Variants in CHSY1 observed in about 807,000 individuals in gnomAD.
CHSY1 encodes chondroitin sulfate synthase 1.
A neutral mutation model predicts 59.8 loss-of-function variants in CHSY1; 13 were observed. That is an observed-to-expected ratio of 0.22 (90% CI 0.14 to 0.35). The LOEUF is 0.35. Among genes scored for constraint, CHSY1 ranks in the 10% least tolerant of loss-of-function variants. The pLI is 1.00. For synonymous variants in CHSY1, 459 were observed against 401.2 expected (o/e 1.14, Z -1.72); for missense variants, 947 against 1,030.6 (o/e 0.92, Z 1.11).
At chr15:101,197,443 G>A (rs771847765) in intron 2 of CHSY1, among the ~76,000 whole-genome samples, 14 of 152,112 alleles carry the variant, frequency 9.2e-5, no homozygotes, top group Non-Finnish European at 1.8e-4. Context: ...TTTAAAGGAA[G>A]GAACCCTAAG....
chr15:101,249,780 G>C (rs1255242671), intron 1 of CHSY1, among the ~76,000 whole-genome samples: 1 of 152,298 alleles, frequency 6.6e-6, no homozygotes, highest in East Asian at 1.9e-4. Flanking sequence ...CTCCCAAAGT[G>C]CTAGAATTAC....
At chr15:101,220,322 C>T (rs2038776284) in intron 2 of CHSY1, among the ~76,000 whole-genome samples, 1 of 152,152 alleles carries the variant, frequency 6.6e-6, no homozygotes, top group Non-Finnish European at 1.5e-5. Context: ...TCCCTAACTG[C>T]CCGTGTACTT....
chr15:101,224,764 C>T (rs329293), intron 2 of CHSY1, among the ~76,000 whole-genome samples: 9,533 of 152,294 alleles, frequency 0.063, 432 homozygotes, highest in Non-Finnish European at 0.09. Context: ...ACTTTCCTAT[C>T]CCAGACAACA....
chr15:101,224,709 G>A (rs149406844), intron 2 of CHSY1, among the ~76,000 whole-genome samples: 26 of 152,166 alleles, frequency 1.7e-4, no homozygotes, highest in Admixed American at 2.6e-4. Flanking sequence ...AATACTTCAC[G>A]TCCACACACA....
chr15:101,194,067 A>G (rs2038478936), intron 2 of CHSY1, among the ~76,000 whole-genome samples: 1 of 152,262 alleles, frequency 6.6e-6, no homozygotes, highest in African/African-American at 2.4e-5. Flanking sequence ...AAAGGCCACC[A>G]GCATCTTTTA....
chr15:101,185,531 C>T (rs907164851), intron 2 of CHSY1, among the ~76,000 whole-genome samples: 1 of 151,462 alleles, frequency 6.6e-6, no homozygotes, highest in South Asian at 2.1e-4. Context: ...TCCCTGTGAA[C>T]GCCCTCCATG....
At position 101,183,627 on chromosome 15, in the gene CHSY1, C is replaced by A. The variant is rs189080654; in HGVS notation, c.817-4647G>T. Among the ~76,000 whole-genome samples, 8 of 152,278 alleles carry A rather than the reference C, an allele frequency of 5.3e-5. No homozygotes were observed. In the East Asian group the frequency reaches 1.5e-3, roughly 29 times the overall value. The stretch of plus-strand genomic sequence containing the variant: ...GGAAAGAAAGCTGTAAAGAAGATGA[C>A]AGGATCCAGGAAACAAGACGCATGG... On this transcript the variant is annotated intron_variant, in intron 2 of 2. Coordinates refer to ENST00000254190, the MANE Select transcript of CHSY1 (RefSeq NM_014918.5).
intron 1 of CHSY1, among the ~76,000 whole-genome samples, chr15:101,237,666 C>T (rs1294873886): frequency 2.6e-5 from 4 of 152,338 alleles, no homozygotes; most frequent in Non-Finnish European, 5.9e-5. Context: ...GAGGAAACCA[C>T]GTAAAGGCTG....
At position 101,245,558 on chromosome 15, in the gene CHSY1, T is replaced by C. The variant is rs983776451; in HGVS notation, c.320+5579A>G. Among the ~76,000 whole-genome samples the C allele has an allele frequency of 2.0e-5, 3 of 152,306 alleles. No individual in the cohort carries two copies. In the East Asian group the frequency reaches 5.8e-4, roughly 29 times the overall value. ...CTAGGGCCCTGTATTTGGAATCTAC[T>C]GTTAATAAAGAGCAGCTTAGTTAAC... On this transcript the variant is annotated intron_variant, in intron 1 of 2. Coordinates refer to ENST00000254190, the MANE Select transcript of CHSY1 (RefSeq NM_014918.5).
rs562273818 is a variant in CHSY1, at chr15:101,220,601, C to G, written c.816+14481G>C. 5.3e-5 allele frequency among the ~76,000 whole-genome samples: 8 copies of G among 152,342 alleles called. No individual in the cohort carries two copies. In the South Asian group the frequency reaches 1.5e-3, roughly 28 times the overall value. On this transcript the variant is annotated intron_variant, in intron 2 of 2. Coordinates refer to ENST00000254190, the MANE Select transcript of CHSY1 (RefSeq NM_014918.5). ...GCCAACCAACCTCCCTGCTGCAACT[C>G]TGCAGCTGCCTCTCCATGAGCAGAG...
chr15:101,237,901 T>C (rs2038963656), intron 1 of CHSY1, among the ~76,000 whole-genome samples: 1 of 152,248 alleles, frequency 6.6e-6, no homozygotes, highest in African/African-American at 2.4e-5. Context: ...ATTTTACCTG[T>C]TACAAGTGTA....
intron 1 of CHSY1, among the ~76,000 whole-genome samples, chr15:101,240,235 A>G (rs1433139759): frequency 6.6e-6 from 1 of 152,174 alleles, no homozygotes; most frequent in East Asian, 1.9e-4. Flanking sequence ...GAGCTCCACA[A>G]AGTGAACGAG....
chr15:101,234,931 T>A (rs1596452293), intron 2 of CHSY1, 151 bp downstream of exon 2: 6 of 435,826 alleles, frequency 1.4e-5, no homozygotes, highest in Non-Finnish European at 2.0e-5. Flanking sequence ...GGGAACTGAA[T>A]TTTTTTTTTA....
At chr15:101,246,236 A>G (rs1279175055) in intron 1 of CHSY1, among the ~76,000 whole-genome samples, 1 of 152,240 alleles carries the variant, frequency 6.6e-6, no homozygotes, top group Non-Finnish European at 1.5e-5. Context: ...AACATAAAAA[A>G]AGAACAAAAC....
At chr15:101,190,964 G>T (rs1024394032) in intron 2 of CHSY1, among the ~76,000 whole-genome samples, 1 of 152,172 alleles carries the variant, frequency 6.6e-6, no homozygotes, top group African/African-American at 2.4e-5. Flanking sequence ...CTCGCTCACT[G>T]CCGGGGAGAA....
At chr15:101,239,780 G>C (rs928986928) in intron 1 of CHSY1, among the ~76,000 whole-genome samples, 2 of 152,160 alleles carry the variant, frequency 1.3e-5, no homozygotes, top group African/African-American at 4.8e-5. Context: ...AATGTTACAG[G>C]AAAGAGGCCT....
At chr15:101,236,666 A>C (rs1280845471) in intron 1 of CHSY1, among the ~76,000 whole-genome samples, 2 of 152,022 alleles carry the variant, frequency 1.3e-5, no homozygotes, top group Non-Finnish European at 2.9e-5. Flanking sequence ...CTAAAAATAC[A>C]AAAACAAAAT....
rs1336055380 is a variant in CHSY1, at chr15:101,231,024, G to A, written c.816+4058C>T. Among the ~76,000 whole-genome samples, 3 of 152,200 alleles carry A rather than the reference G, an allele frequency of 2.0e-5. No homozygotes were observed. In the East Asian group the frequency reaches 5.8e-4, roughly 29 times the overall value. ...TGGTGTGCGGGTGTAACATGAACAA[G>A]TTCCATGTGTGCCCAGATAACAATC... On this transcript the variant is annotated intron_variant, in intron 2 of 2. Transcript: ENST00000254190.
intron 2 of CHSY1, among the ~76,000 whole-genome samples, chr15:101,231,912 G>C (rs187136118): frequency 2.6e-5 from 4 of 152,256 alleles, no homozygotes; most frequent in Middle Eastern, 3.4e-3. Flanking sequence ...ATGTGGCAAG[G>C]GGAGCCAGGA....
Sources: gnomAD v4.1 joint callset for allele counts (sites outside exome capture counted in the v4.1 genomes callset) on GRCh38, gnomAD v4.1.1 for gene constraint, MANE v1.5 for transcripts, NCBI Gene and HGNC (gene_info 2026-07-23, HGNC 2026-07-21) for gene names.